The following PTPRT variants were observed in gnomAD, a reference collection of about 807,000 sequenced individuals.
The protein encoded by PTPRT is protein tyrosine phosphatase receptor type T, also known as receptor-type tyrosine-protein phosphatase T.
PTPRT carries 56 observed loss-of-function variants against 176.8 expected under a neutral mutation model. The ratio of observed to expected loss-of-function variants is 0.32; its 90% CI spans 0.26 to 0.40. The LOEUF is 0.40. Ranked by LOEUF, PTPRT falls within the 10% of genes least tolerant of loss-of-function variation. The pLI is 1.00. For missense variants in PTPRT, 1,540 were observed against 1,908.2 expected, an observed-to-expected ratio of 0.81 and a Z score of 3.60; for synonymous variants, 783 against 739.0, an observed-to-expected ratio of 1.06 and a Z score of -0.96.
chr20:42,329,484 CACACACACACACACACACAT>C (rs1307750101), intron 11 of PTPRT, among the ~76,000 whole-genome samples: 4 of 137,384 alleles, frequency 2.9e-5, no homozygotes, highest in Non-Finnish European at 6.5e-5. Flanking sequence ...CACACACACA[CACACACACACACACACACAT>C]ACACACACAC....
At chr20:43,048,260 A>T (rs1343090193) in intron 1 of PTPRT, among the ~76,000 whole-genome samples, 1 of 152,136 alleles carries the variant, frequency 6.6e-6, no homozygotes, top group African/African-American at 2.4e-5. Flanking sequence ...CATGCCTGAG[A>T]AATGCAGATA....
chr20:42,310,533 C>T (rs992128015), intron 12 of PTPRT, among the ~76,000 whole-genome samples: 16 of 152,270 alleles, frequency 1.1e-4, no homozygotes, highest in African/African-American at 2.2e-4. Flanking sequence ...ATTTTACCTG[C>T]TCCACAAAGG....
At position 42,075,345 on chromosome 20, in the gene PTPRT, C is replaced by T. The variant is rs1982668857; in HGVS notation, c.*5534G>A. The T allele has an allele frequency of 4.3e-6, 1 of 230,150 alleles. No individual in the cohort carries two copies. Among genetic ancestry groups the T allele is most frequent in the Non-Finnish European group, 8.6e-6 (1 of 116,236 alleles). The allele number at this position is 230,150 out of a possible 1,614,324, so 14.3% of individuals were successfully genotyped here. A position where few individuals can be genotyped will look rare whatever the true frequency, so the allele number is the denominator to read the frequency against. On this transcript the variant is annotated 3_prime_UTR_variant, in exon 31 of 31. Transcript: ENST00000373187. The stretch of plus-strand genomic sequence containing the variant: ...TATGTTTTTTTTCTTCTAACCTACC[C>T]TCCAGTTGGGTTGACCATTTTTTTC...
At chr20:43,175,497 G>A (rs973880224) in intron 1 of PTPRT, among the ~76,000 whole-genome samples, 3 of 152,104 alleles carry the variant, frequency 2.0e-5, no homozygotes, top group Non-Finnish European at 4.4e-5. Context: ...TCTTGGAGCT[G>A]TGACTGTGCC....
chr20:43,098,196 A>C (rs1169432908), intron 1 of PTPRT, among the ~76,000 whole-genome samples: 2 of 151,854 alleles, frequency 1.3e-5, no homozygotes, highest in East Asian at 3.8e-4. Context: ...CATGGTTACC[A>C]ACATCAAATA....
At chr20:42,188,950 A>G (rs1294604454) in intron 16 of PTPRT, among the ~76,000 whole-genome samples, 1 of 152,216 alleles carries the variant, frequency 6.6e-6, no homozygotes, top group Non-Finnish European at 1.5e-5. Context: ...TACAATAGAA[A>G]GCTGGATCTA....
chr20:42,225,755 C>A (rs1208174840), intron 15 of PTPRT, among the ~76,000 whole-genome samples: 2 of 152,178 alleles, frequency 1.3e-5, no homozygotes, highest in African/African-American at 4.8e-5. Context: ...CGGCTTCAAG[C>A]GATTCCTCTG....
intron 6 of PTPRT, among the ~76,000 whole-genome samples, chr20:42,696,192 ATC>A (rs989843439): frequency 7.7e-6 from 1 of 130,340 alleles, no homozygotes; most frequent in Non-Finnish European, 1.6e-5. Flanking sequence ...TCTCCCAATC[ATC>A]TCTCTCTTTC....
rs565299176 is a variant in PTPRT at position 42,230,945 on chromosome 20, C to T, written c.2342+5284G>A. On this transcript the variant is annotated intron_variant, in intron 15 of 30. Transcript: ENST00000373187. The stretch of plus-strand genomic sequence containing the variant: ...TTATTTATCCTGGTCATTAACACCC[C>T]TTTCATAACCTCTTGCTCTAACCCT... 2.0e-5 allele frequency among the ~76,000 whole-genome samples: 3 copies of T among 152,332 alleles called. No homozygotes were observed. In the South Asian group the frequency reaches 6.2e-4, roughly 32 times the overall value.
chr20:42,698,322 C>G (rs924710694), intron 6 of PTPRT, among the ~76,000 whole-genome samples: 2 of 152,142 alleles, frequency 1.3e-5, no homozygotes, highest in African/African-American at 4.8e-5. Context: ...CTGGGCCTCT[C>G]TAAGAAATGA....
the PTPRT span, among the ~76,000 whole-genome samples, chr20:42,056,097 A>G: frequency 1.3e-5 from 2 of 152,082 alleles, no homozygotes; most frequent in East Asian, 3.9e-4. Context: ...TGTTTTTCTC[A>G]TTCTTATTGA....
chr20:43,141,743 A>G (rs949212276), intron 1 of PTPRT, among the ~76,000 whole-genome samples: 9 of 152,198 alleles, frequency 5.9e-5, no homozygotes, highest in Non-Finnish European at 1.3e-4. Context: ...CCTAAATAGT[A>G]TTTGTATAAG....
At chr20:42,146,658 G>T (rs1988882102) in intron 17 of PTPRT, among the ~76,000 whole-genome samples, 1 of 152,118 alleles carries the variant, frequency 6.6e-6, no homozygotes, top group South Asian at 2.1e-4. Context: ...CTCCTCATTG[G>T]TTCCTTTTGT....
rs901492288 is a variant in PTPRT at position 42,106,885 on chromosome 20, A to G, written c.3291T>C (p.Ile1097=). The change falls in exon 24 of 31, where the codon ATT becomes ATC. Residue 1097 remains isoleucine (I), a synonymous_variant. Coordinates refer to ENST00000373187, the MANE Select transcript of PTPRT (RefSeq NM_007050.6). ...TCTCGGCCATGTCAAGCATGGTGTCAATGGCAATGAAGCAGCCAGTCCGCC... is the reference window on the plus strand; with the variant it reads ...TCTCGGCCATGTCAAGCATGGTGTCGATGGCAATGAAGCAGCCAGTCCGCC... The part of the protein sequence containing the change: ...GAGRTGCFIA[I]DTMLDMAENE... The G allele has an allele frequency of 6.2e-7, 1 of 1,614,130 alleles. No individual in the cohort carries two copies. Among genetic ancestry groups the G allele is most frequent in the Non-Finnish European group, 8.5e-7 (1 of 1,180,024 alleles).
chr20:42,705,314 T>C (rs971628953), intron 6 of PTPRT, among the ~76,000 whole-genome samples: 1 of 151,730 alleles, frequency 6.6e-6, no homozygotes, highest in Non-Finnish European at 1.5e-5. Context: ...GTGGGCTGAG[T>C]CCGAGAAAGG....
chr20:43,168,787 C>T (rs374040757), intron 1 of PTPRT, among the ~76,000 whole-genome samples: 57 of 152,272 alleles, frequency 3.7e-4, no homozygotes, highest in African/African-American at 1.3e-3. Flanking sequence ...CTCCTACATG[C>T]TCATCCCACC....
chr20:42,825,586 T>A (rs2077978577), intron 2 of PTPRT, among the ~76,000 whole-genome samples: 1 of 152,162 alleles, frequency 6.6e-6, no homozygotes, highest in Admixed American at 6.5e-5. Flanking sequence ...AATCTACATA[T>A]AGAAAAACGA....
chr20:43,132,308 AC>A (rs1269664881), intron 1 of PTPRT, among the ~76,000 whole-genome samples: 1 of 152,226 alleles, frequency 6.6e-6, no homozygotes, highest in Non-Finnish European at 1.5e-5. Context: ...TTTTAAAAAA[AC>A]ATAAGAAATC....
intron 7 of PTPRT, among the ~76,000 whole-genome samples, chr20:42,652,766 T>C (rs2075055592): frequency 6.6e-6 from 1 of 152,170 alleles, no homozygotes; most frequent in African/African-American, 2.4e-5. Context: ...CATCACTTAG[T>C]GCAGATTTCC....
Sources: gnomAD v4.1 joint callset for allele counts (sites outside exome capture counted in the v4.1 genomes callset) on GRCh38, gnomAD v4.1.1 for gene constraint, MANE v1.5 for transcripts, NCBI Gene and HGNC (gene_info 2026-07-23, HGNC 2026-07-21) for gene names.